Variants in ALMS1 observed in about 807,000 individuals in gnomAD.
The protein encoded by ALMS1 is ALMS1 centrosome and basal body associated protein.
ALMS1 carries 271 observed loss-of-function variants against 352.2 expected under a neutral mutation model. The ratio of observed to expected loss-of-function variants is 0.77; its 90% CI spans 0.70 to 0.85. The LOEUF is 0.85. Ranked by LOEUF, ALMS1 falls within the 40% of genes least tolerant of loss-of-function variation. ALMS1 has a pLI of 0.00. For missense variants in ALMS1, 5,445 were observed against 4,870.7 expected (o/e 1.12, Z -3.51); for synonymous variants, 1,865 against 1,761.2 (o/e 1.06, Z -1.48).
intron 7 of ALMS1, among the ~76,000 whole-genome samples, chr2:73,437,261 A>G (rs1300167747): frequency 6.6e-6 from 1 of 152,150 alleles, no homozygotes; most frequent in African/African-American, 2.4e-5. Context: ...GGGCAGGTTC[A>G]TTGGTCTACT....
chr2:73,509,763 C>T (rs1673411123), intron 10 of ALMS1, among the ~76,000 whole-genome samples: 2 of 152,128 alleles, frequency 1.3e-5, no homozygotes. Context: ...TGAGGAGTAT[C>T]TTTGTGGTGT....
intron 12 of ALMS1, among the ~76,000 whole-genome samples, chr2:73,549,954 G>A (rs1573012778): frequency 1.3e-5 from 2 of 152,264 alleles, no homozygotes; most frequent in East Asian, 3.9e-4. Context: ...CTGCCTCCCA[G>A]GTTCAAGCGA....
intron 16 of ALMS1, among the ~76,000 whole-genome samples, chr2:73,595,432 ACAT>A (rs755820745): frequency 4.6e-5 from 7 of 152,218 alleles, no homozygotes; most frequent in African/African-American, 9.6e-5. Context: ...TTTTTTGTTA[ACAT>A]CATGATTTCA....
chr2:73,552,406 G>T (rs1166435737), intron 13 of ALMS1, among the ~76,000 whole-genome samples: 1 of 152,182 alleles, frequency 6.6e-6, no homozygotes, highest in Non-Finnish European at 1.5e-5. Context: ...ATATGCTAGT[G>T]GCAGTTTGGT....
Position 73,450,627 on chromosome 2 carries a change from T to G in ALMS1, c.4100T>G (p.Val1367Gly). Residue 1367 changes from valine (V) to glycine (G), a missense_variant, in exon 8 of 23, where the codon GTT becomes GGT. Physicochemically the swap from Val to Gly is moderately radical, Grantham distance 109. Coordinates refer to ENST00000613296, the MANE Select transcript of ALMS1 (RefSeq NM_001378454.1). Reference protein sequence around the residue: ...ALKISVASEPVDQTTGTPTVT... With the variant: ...ALKISVASEPGDQTTGTPTVT... ...AAAATTTCAGTTGCCTCTGAACCAGTTGACCAGACAACTGGCACACCAACT... is the reference window on the plus strand; with the variant it reads ...AAAATTTCAGTTGCCTCTGAACCAGGTGACCAGACAACTGGCACACCAACT... 1 of 1,612,778 alleles carries G rather than the reference T, an allele frequency of 6.2e-7. No homozygotes were observed. Among genetic ancestry groups the G allele is most frequent in the Non-Finnish European group, 8.5e-7 (1 of 1,179,708 alleles).
In ALMS1 at chr2:73,490,431, C is replaced by T. The variant is rs1467835066; in HGVS notation, c.8472C>T (p.Pro2824=). The stretch of plus-strand genomic sequence containing the variant: ...ATTTTACAGGCAGTCATTCTGAGCC[C>T]AGTACCAGGGCAAATTGTAGCAATT... ...RSDFTGSHSE[P]STRANCSNFK... Residue 2824 remains proline, a synonymous_variant, in exon 10 of 23, where the codon CCC becomes CCT. Transcript: ENST00000613296. The T allele has an allele frequency of 2.0e-5, 32 of 1,614,100 alleles. No homozygotes were observed. Among genetic ancestry groups the T allele is most frequent in the Non-Finnish European group, 2.7e-5 (32 of 1,180,028 alleles).
At chr2:73,538,020 C>CA (rs950383746) in intron 12 of ALMS1, among the ~76,000 whole-genome samples, 1 of 151,600 alleles carries the variant, frequency 6.6e-6, no homozygotes, top group Non-Finnish European at 1.5e-5. Context: ...AACAAAAAAA[C>CA]AAAAAAACAA....
chr2:73,549,138 C>A (rs1344965791), intron 12 of ALMS1, among the ~76,000 whole-genome samples: 2 of 152,150 alleles, frequency 1.3e-5, no homozygotes, highest in East Asian at 3.8e-4. Flanking sequence ...GAAAAATCAT[C>A]TCATAGGAGA....
At chr2:73,498,527 G>T (rs1283829331) in intron 10 of ALMS1, among the ~76,000 whole-genome samples, 1 of 151,944 alleles carries the variant, frequency 6.6e-6, no homozygotes, top group East Asian at 1.9e-4. Context: ...GTGTGTGTGT[G>T]TGTGCCCATT....
At chr2:73,535,357 G>T (rs931684343) in intron 12 of ALMS1, among the ~76,000 whole-genome samples, 1 of 151,726 alleles carries the variant, frequency 6.6e-6, no homozygotes, top group Non-Finnish European at 1.5e-5. Context: ...TAACAAATTT[G>T]TTATTTATTT....
chr2:73,397,151 C>A (rs987299685), intron 1 of ALMS1, among the ~76,000 whole-genome samples: 1 of 152,116 alleles, frequency 6.6e-6, no homozygotes, highest in Non-Finnish European at 1.5e-5. Context: ...GGTTTCCCTG[C>A]GGCTTTTAAT....
chr2:73,510,617 C>T (rs1673429683), intron 10 of ALMS1, among the ~76,000 whole-genome samples: 1 of 152,182 alleles, frequency 6.6e-6, no homozygotes, highest in African/African-American at 2.4e-5. Context: ...CGCCAGATGC[C>T]AGCCAGGGCT....
chr2:73,593,492 G>C (rs1033489319), intron 16 of ALMS1, among the ~76,000 whole-genome samples: 1 of 152,164 alleles, frequency 6.6e-6, no homozygotes, highest in Non-Finnish European at 1.5e-5. Context: ...CAGAACTATA[G>C]AGTATAACCT....
chr2:73,467,976 A>G (rs1672391606), intron 9 of ALMS1, among the ~76,000 whole-genome samples: 1 of 152,080 alleles, frequency 6.6e-6, no homozygotes, highest in African/African-American at 2.4e-5. Flanking sequence ...TCTCAGGTAT[A>G]GGAAGTTTTT....
chr2:73,410,761 C>G (rs1258627650), intron 2 of ALMS1, among the ~76,000 whole-genome samples: 2 of 151,946 alleles, frequency 1.3e-5, no homozygotes, highest in Non-Finnish European at 2.9e-5. Context: ...CGATCATGAG[C>G]AGATAGGAAA....
Position 73,573,215 on chromosome 2 carries a change from A to G in ALMS1, c.11338A>G (p.Ser3780Gly). 6.2e-7 allele frequency: 1 copy of G among 1,613,066 alleles called. No individual in the cohort carries two copies. Among genetic ancestry groups the G allele is most frequent in the Non-Finnish European group, 8.5e-7 (1 of 1,179,242 alleles). Reference protein sequence around the residue: ...DREVALHERSSSVSTIDTARL... With the variant: ...DREVALHERSGSVSTIDTARL... ...AGAGGTGGCTCTGCACGAAAGGAGT[A>G]GCTCTGTTTCCACTATTGACACTGC... is the stretch of plus-strand genomic sequence containing the variant. The change falls in exon 16 of 23, where the codon AGC becomes GGC. Residue 3780 changes from serine to glycine, a missense_variant. By Grantham distance (56) the Ser-to-Gly change is moderately conservative (BLOSUM62 0). Transcript: ENST00000613296.
At chr2:73,498,917 C>T (rs1673165417) in intron 10 of ALMS1, among the ~76,000 whole-genome samples, 1 of 152,160 alleles carries the variant, frequency 6.6e-6, no homozygotes, top group Non-Finnish European at 1.5e-5. Context: ...GTAACAAAAT[C>T]AGTCTTCCAT....
intron 10 of ALMS1, among the ~76,000 whole-genome samples, chr2:73,511,925 G>C (rs1461685861): frequency 1.3e-5 from 2 of 152,180 alleles, no homozygotes; most frequent in Admixed American, 6.5e-5. Flanking sequence ...TTATTGAGTT[G>C]TACGTAAGTA....
intron 9 of ALMS1, among the ~76,000 whole-genome samples, chr2:73,462,025 C>T (rs1230370163): frequency 6.6e-6 from 1 of 151,896 alleles, no homozygotes; most frequent in African/African-American, 2.4e-5. Flanking sequence ...AGTTGGAAAA[C>T]ACTCTGCAGG....
Sources: gnomAD v4.1 joint callset for allele counts (sites outside exome capture counted in the v4.1 genomes callset) on GRCh38, gnomAD v4.1.1 for gene constraint, MANE v1.5 for transcripts, NCBI Gene and HGNC (gene_info 2026-07-23, HGNC 2026-07-21) for gene names.